WNT2: variants seen among roughly 807,000 people sequenced by gnomAD.
WNT2 encodes the protein Wnt family member 2.
A neutral mutation model predicts 36.9 loss-of-function variants in WNT2; 12 were observed. The ratio of observed to expected loss-of-function variants is 0.33; its 90% CI spans 0.21 to 0.53. The LOEUF (loss-of-function observed/expected upper bound fraction) is 0.53. Among genes scored for constraint, WNT2 ranks in the 20% least tolerant of loss-of-function variants. WNT2 has a pLI of 0.95. For synonymous variants in WNT2, 163 were observed against 174.6 expected (o/e 0.93, Z 0.52); for missense variants, 379 against 473.1 (o/e 0.80, Z 1.84).
Position 117,310,471 on chromosome 7 carries a change from G to C in WNT2, c.588+4600C>G, listed in dbSNP as rs143542103. 6.3e-4 allele frequency among the ~76,000 whole-genome samples: 95 copies of C among 151,380 alleles called. 1 individual carries two copies. In the East Asian group the frequency reaches 0.014, roughly 23 times the overall value. ...CATGGTGGCAAGTGCCTGTAGTCCC[G>C]GCTACTGAGACTGAGGTGGGAGGAT... On this transcript the variant is annotated intron_variant, in intron 3 of 4. Transcript: ENST00000265441.
intron 3 of WNT2, 38 bp downstream of exon 3, chr7:117,315,033 A>G (rs1267188575): frequency 6.2e-7 from 1 of 1,606,312 alleles, no homozygotes; most frequent in Admixed American, 1.7e-5. Context: ...TTATAAAGCC[A>G]TGCAGCCTAC....
At chr7:117,317,796 T>C (rs1307024138) in intron 2 of WNT2, among the ~76,000 whole-genome samples, 1 of 152,136 alleles carries the variant, frequency 6.6e-6, no homozygotes, top group African/African-American at 2.4e-5. Context: ...TTATTTGGGG[T>C]AGAGAGATTG....
chr7:117,319,522 TG>T (rs67181334), intron 2 of WNT2, among the ~76,000 whole-genome samples: 42,184 of 121,920 alleles, frequency 0.35, 6,485 homozygotes, highest in African/African-American at 0.36. Flanking sequence ...TCTTAGGAAT[TG>T]GGGGGGGGGG....
At position 117,297,405 on chromosome 7, in the gene WNT2, A is replaced by G. The variant is rs564070680; in HGVS notation, c.853+207T>C. Among the ~76,000 whole-genome samples the G allele has an allele frequency of 3.9e-5, 6 of 152,202 alleles. No homozygotes were observed. The South Asian group carries it at 1.2e-3, about 32-fold the overall frequency. On this transcript the variant is annotated intron_variant, in intron 4 of 4. Transcript: ENST00000265441. ...GGCTTTTCTTGAACTCCTGAGCTCA[A>G]GCAATCTGCCCATTTCGGCCTCCCA...
chr7:117,300,415 G>A (rs1794881584), intron 3 of WNT2, among the ~76,000 whole-genome samples: 1 of 152,180 alleles, frequency 6.6e-6, no homozygotes, highest in Non-Finnish European at 1.5e-5. Flanking sequence ...TTGATCTCTT[G>A]ACCTTTTGAT....
At chr7:117,278,455 C>T (rs1794421864) in intron 4 of WNT2, 71 bp from the exon 5 acceptor site, 9 of 1,428,830 alleles carry the variant, frequency 6.3e-6, no homozygotes, top group Non-Finnish European at 1.9e-6. Context: ...GAGGAGGAGT[C>T]ACGAGGTCCA....
intron 2 of WNT2, among the ~76,000 whole-genome samples, chr7:117,317,036 T>C (rs1795233865): frequency 6.6e-6 from 1 of 152,250 alleles, no homozygotes; most frequent in Admixed American, 6.5e-5. Context: ...CCATTTATCT[T>C]CTAAAGCTTG....
At chr7:117,305,877 T>A (rs1183097970) in intron 3 of WNT2, among the ~76,000 whole-genome samples, 1 of 152,100 alleles carries the variant, frequency 6.6e-6, no homozygotes, top group African/African-American at 2.4e-5. Flanking sequence ...CCAGAAAGCC[T>A]GGGATGTTAA....
intron 3 of WNT2, among the ~76,000 whole-genome samples, chr7:117,311,751 A>C (rs931370964): frequency 2.6e-5 from 4 of 152,168 alleles, no homozygotes; most frequent in African/African-American, 9.6e-5. Flanking sequence ...ACAAAAGGGA[A>C]AGGAACTTTT....
At position 117,277,776 on chromosome 7, in the gene WNT2, T is replaced by G. The variant is rs1232863276; in HGVS notation, c.*379A>C. 1 of 204,624 alleles carries G rather than the reference T, an allele frequency of 4.9e-6. No homozygotes were observed. Among genetic ancestry groups the G allele is most frequent in the African/African-American group, 2.3e-5 (1 of 43,604 alleles). 12.7% of individuals were successfully genotyped at this position (204,624 alleles called of 1,614,324 possible). On this transcript the variant is annotated 3_prime_UTR_variant, in exon 5 of 5. Coordinates refer to ENST00000265441, the MANE Select transcript of WNT2 (RefSeq NM_003391.3). ...ATTGGGACCATTTGTGGGAAGACAT[T>G]GAGAAAGCTCCTTTGAGACACTTTT...
chr7:117,292,843 C>G (rs1298257466), intron 4 of WNT2, among the ~76,000 whole-genome samples: 1 of 152,090 alleles, frequency 6.6e-6, no homozygotes, highest in Non-Finnish European at 1.5e-5. Flanking sequence ...AGCAAGAAAT[C>G]AGGTACTGAA....
chr7:117,278,901 A>G (rs1402504812), intron 4 of WNT2, among the ~76,000 whole-genome samples: 1 of 152,190 alleles, frequency 6.6e-6, no homozygotes, highest in African/African-American at 2.4e-5. Flanking sequence ...TGAGAAAGGG[A>G]ATAGAACTCT....
intron 4 of WNT2, among the ~76,000 whole-genome samples, chr7:117,293,997 G>GACT (rs371743531): frequency 7.2e-4 from 110 of 152,330 alleles, no homozygotes; most frequent in African/African-American, 2.6e-3. Context: ...CAGGATGACT[G>GACT]ACTTGCTAGA....
intron 4 of WNT2, among the ~76,000 whole-genome samples, chr7:117,289,687 G>A (rs984874245): frequency 6.6e-6 from 1 of 152,178 alleles, no homozygotes; most frequent in African/African-American, 2.4e-5. Flanking sequence ...AGGAGTTGGG[G>A]AACTAGTGAG....
At chr7:117,281,433 T>C (rs1480071580) in intron 4 of WNT2, among the ~76,000 whole-genome samples, 1 of 152,034 alleles carries the variant, frequency 6.6e-6, no homozygotes, top group Non-Finnish European at 1.5e-5. Context: ...AGACAGGGTC[T>C]TGCCATGTTG....
In WNT2 at chr7:117,281,116, T is replaced by C. The variant is rs142832941; in HGVS notation, c.854-2732A>G. On this transcript the variant is annotated intron_variant, in intron 4 of 4. Coordinates refer to ENST00000265441, the MANE Select transcript of WNT2 (RefSeq NM_003391.3). ...GGGGTAAACAGCAACCTGGGCAAGA[T>C]AGAACCTTCTGGCAGAAATTCTGAG... 6.3e-3 allele frequency among the ~76,000 whole-genome samples: 962 copies of C among 152,304 alleles called. 13 individuals carry two copies. The highest frequency in any genetic ancestry group is 0.022 in the African/African-American group (898 of 41,556).
chr7:117,283,155 CT>C (rs1426218948), intron 4 of WNT2, among the ~76,000 whole-genome samples: 2 of 152,134 alleles, frequency 1.3e-5, no homozygotes, highest in Non-Finnish European at 2.9e-5. Context: ...TGAAAATACT[CT>C]CTGGGACTCA....
At chr7:117,305,741 T>G (rs758857331) in intron 3 of WNT2, among the ~76,000 whole-genome samples, 5 of 152,132 alleles carry the variant, frequency 3.3e-5, no homozygotes, top group Non-Finnish European at 5.9e-5. Context: ...GGCACCATAA[T>G]AGGGCACTAC....
At position 117,276,303 on chromosome 7, in the gene WNT2, C is replaced by G. The variant is rs570369755; in HGVS notation, c.*1852G>C. On this transcript the variant is annotated 3_prime_UTR_variant, in exon 5 of 5. Coordinates refer to ENST00000265441, the MANE Select transcript of WNT2 (RefSeq NM_003391.3). ...ACCCCCATGAAAGTGCCTTCGCACTCTCATGAAGGAATTCACACCAACCTT... is the reference window on the plus strand; with the variant it reads ...ACCCCCATGAAAGTGCCTTCGCACTGTCATGAAGGAATTCACACCAACCTT... Among the ~76,000 whole-genome samples, 35 of 152,346 alleles carry G rather than the reference C, an allele frequency of 2.3e-4. No homozygotes were observed. The highest frequency in any genetic ancestry group is 4.1e-4 in the Non-Finnish European group (28 of 68,036).
Sources: allele counts gnomAD v4.1 joint callset (sites outside exome capture counted in the v4.1 genomes callset), GRCh38; gene constraint gnomAD v4.1.1; transcripts MANE v1.5; gene names NCBI Gene and HGNC (gene_info 2026-07-23, HGNC 2026-07-21).